The following PARD3 variants were observed in gnomAD, a reference collection of about 807,000 sequenced individuals.
The protein encoded by PARD3 is par-3 family cell polarity regulator.
PARD3 carries 75 observed loss-of-function variants against 155.4 expected under a neutral mutation model. The observed-to-expected ratio is 0.48, with a 90% CI of 0.40 to 0.58. PARD3 has a LOEUF of 0.58. Ranked by LOEUF, PARD3 falls within the 20% of genes least tolerant of loss-of-function variation. The pLI, the probability that PARD3 is intolerant of heterozygous loss-of-function variation, is 0.00. For synonymous variants in PARD3, 576 were observed against 610.5 expected, an observed-to-expected ratio of 0.94 and a Z score of 0.83; for missense variants, 1,642 against 1,721.7, an observed-to-expected ratio of 0.95 and a Z score of 0.82.
chr10:34,493,664 G>A (rs749809480), intron 3 of PARD3, among the ~76,000 whole-genome samples: 15 of 151,610 alleles, frequency 9.9e-5, no homozygotes, highest in African/African-American at 2.7e-4. Context: ...CCTGGGAGGC[G>A]GAGACTGCAG....
chr10:34,389,501 A>G (rs1163284400), intron 7 of PARD3, among the ~76,000 whole-genome samples: 1 of 152,244 alleles, frequency 6.6e-6, no homozygotes, highest in African/African-American at 2.4e-5. Context: ...GAAAATAAGT[A>G]ACAAATGTTT....
At chr10:34,668,467 G>A (rs1564483866) in intron 2 of PARD3, among the ~76,000 whole-genome samples, 1 of 152,166 alleles carries the variant, frequency 6.6e-6, no homozygotes. Flanking sequence ...TCACATCCAT[G>A]TGAGTAGCTT....
chr10:34,573,162 G>C (rs2086570503), intron 2 of PARD3, among the ~76,000 whole-genome samples: 1 of 151,956 alleles, frequency 6.6e-6, no homozygotes, highest in Non-Finnish European at 1.5e-5. Flanking sequence ...AGATCAGCCT[G>C]GGCAACATAG....
At chr10:34,546,536 TTTG>T (rs71033318) in intron 2 of PARD3, among the ~76,000 whole-genome samples, 68,041 of 150,152 alleles carry the variant, frequency 0.45, 15,701 homozygotes, top group African/African-American at 0.56. Flanking sequence ...AAAGTGGAAT[TTTG>T]TTGTTGTTTT....
intron 1 of PARD3, among the ~76,000 whole-genome samples, chr10:34,801,472 C>G (rs1842836165): frequency 6.6e-6 from 1 of 152,156 alleles, no homozygotes; most frequent in African/African-American, 2.4e-5. Flanking sequence ...GGAGGTAGTC[C>G]TCTTGAATAC....
At chr10:34,331,753 C>CT (rs35638866) in intron 18 of PARD3, among the ~76,000 whole-genome samples, 60,318 of 148,310 alleles carry the variant, frequency 0.41, 12,534 homozygotes, top group African/African-American at 0.54. Flanking sequence ...TAATTAAAAC[C>CT]TTTTTTTTTT....
chr10:34,526,540 G>T (rs915173980), intron 2 of PARD3, among the ~76,000 whole-genome samples: 1 of 152,142 alleles, frequency 6.6e-6, no homozygotes, highest in African/African-American at 2.4e-5. Flanking sequence ...TAGTGGGAAG[G>T]CCCTTCCTTT....
chr10:34,407,918 A>C (rs1421773775), intron 5 of PARD3, among the ~76,000 whole-genome samples: 2 of 152,158 alleles, frequency 1.3e-5, no homozygotes, highest in South Asian at 2.1e-4. Context: ...AACACTTGAG[A>C]CTAGAATCCT....
chr10:34,376,270 C>A (rs1041102679), intron 10 of PARD3, among the ~76,000 whole-genome samples: 1 of 152,094 alleles, frequency 6.6e-6, no homozygotes, highest in African/African-American at 2.4e-5. Context: ...GAAAGACATG[C>A]AGGTTGCAGG....
At chr10:34,645,241 T>C (rs1290186950) in intron 2 of PARD3, among the ~76,000 whole-genome samples, 1 of 152,086 alleles carries the variant, frequency 6.6e-6, no homozygotes, top group East Asian at 1.9e-4. Context: ...AGTTTCACTC[T>C]GTCACCCAGA....
intron 19 of PARD3, among the ~76,000 whole-genome samples, chr10:34,319,111 A>G (rs1251601788): frequency 5.0e-5 from 6 of 121,158 alleles, no homozygotes; most frequent in Admixed American, 2.9e-4. Context: ...TCTTCTTGAG[A>G]CGGAGTTTCA....
At chr10:34,121,290 G>C (rs987425138) in intron 23 of PARD3, among the ~76,000 whole-genome samples, 10 of 152,212 alleles carry the variant, frequency 6.6e-5, no homozygotes, top group Non-Finnish European at 1.0e-4. Context: ...AATATACAAT[G>C]GTGCCTCTAC....
At chr10:34,181,772 T>C (rs1016009923) in intron 22 of PARD3, among the ~76,000 whole-genome samples, 1 of 152,090 alleles carries the variant, frequency 6.6e-6, no homozygotes, top group South Asian at 2.1e-4. Context: ...GCAGGAAATA[T>C]TGTGTTTGAC....
At chr10:34,495,197 C>G (rs1240618441) in intron 3 of PARD3, among the ~76,000 whole-genome samples, 1 of 151,906 alleles carries the variant, frequency 6.6e-6, no homozygotes, top group African/African-American at 2.4e-5. Flanking sequence ...CAAAAACCCA[C>G]AACTCAACAC....
At chr10:34,344,992 G>A (rs1837253005) in intron 15 of PARD3, 2 of 985,186 alleles carry the variant, frequency 2.0e-6, no homozygotes, top group African/African-American at 3.5e-5. Flanking sequence ...TAACGTCTTT[G>A]ATTTTTTTAG....
At chr10:34,726,691 A>C (rs1329491422) in intron 1 of PARD3, among the ~76,000 whole-genome samples, 1 of 151,204 alleles carries the variant, frequency 6.6e-6, no homozygotes, top group Non-Finnish European at 1.5e-5. Context: ...TGAACCTAGG[A>C]GGTGGAGGCT....
At chr10:34,594,371 A>G (rs1256632304) in intron 2 of PARD3, among the ~76,000 whole-genome samples, 3 of 152,202 alleles carry the variant, frequency 2.0e-5, no homozygotes, top group Non-Finnish European at 4.4e-5. Flanking sequence ...GTGTACAGGC[A>G]CTGCTGTTAT....
chr10:34,227,552 C>A (rs188222645), intron 22 of PARD3, among the ~76,000 whole-genome samples: 1 of 152,216 alleles, frequency 6.6e-6, no homozygotes, highest in African/African-American at 2.4e-5. Context: ...GCAAGAGAAG[C>A]GCTTGAACCC....
intron 7 of PARD3, among the ~76,000 whole-genome samples, chr10:34,395,016 G>C (rs1300221330): frequency 6.6e-6 from 1 of 151,620 alleles, no homozygotes; most frequent in Non-Finnish European, 1.5e-5. Flanking sequence ...TGGCATTTGT[G>C]GTTTAAATAA....
Sources: gnomAD v4.1 joint callset for allele counts (sites outside exome capture counted in the v4.1 genomes callset) on GRCh38, gnomAD v4.1.1 for gene constraint, MANE v1.5 for transcripts, NCBI Gene and HGNC (gene_info 2026-07-23, HGNC 2026-07-21) for gene names.